Variants in CTNNA3 observed in about 807,000 individuals in gnomAD.
CTNNA3 encodes the protein catenin alpha-3.
Under a neutral mutation model 95.7 loss-of-function variants are expected in CTNNA3, and 76 were observed. The observed-to-expected ratio is 0.79, with a 90% CI of 0.66 to 0.96. CTNNA3 has a LOEUF of 0.96. Ranked by LOEUF, CTNNA3 falls within the 40% of genes least tolerant of loss-of-function variation. CTNNA3 has a pLI of 0.00. For missense variants in CTNNA3, 1,191 were observed against 1,089.8 expected (o/e 1.09, Z -1.31); for synonymous variants, 431 against 374.4 (o/e 1.15, Z -1.74).
intron 1 of CTNNA3, among the ~76,000 whole-genome samples, chr10:67,690,406 C>T (rs978573796): frequency 6.6e-6 from 1 of 152,132 alleles, no homozygotes; most frequent in South Asian, 2.1e-4. Flanking sequence ...CCACTGCTGG[C>T]TCAGGTAGCC....
intron 1 of CTNNA3, among the ~76,000 whole-genome samples, chr10:67,717,212 T>C (rs1841149369): frequency 6.6e-6 from 1 of 152,228 alleles, no homozygotes; most frequent in Non-Finnish European, 1.5e-5. Flanking sequence ...AGATTCTGGA[T>C]ATTAGCCCTT....
At chr10:67,504,449 A>AAAAC (rs1564699305) in intron 5 of CTNNA3, among the ~76,000 whole-genome samples, 6 of 150,164 alleles carry the variant, frequency 4.0e-5, no homozygotes, top group African/African-American at 1.5e-4. Flanking sequence ...AAAAAAAAAA[A>AAAAC]AAAAAAAAAA....
At chr10:67,612,374 A>G (rs893382703) in intron 2 of CTNNA3, among the ~76,000 whole-genome samples, 1 of 152,242 alleles carries the variant, frequency 6.6e-6, no homozygotes, top group African/African-American at 2.4e-5. Flanking sequence ...AACATTCACA[A>G]GGATTAAGTA....
At chr10:66,050,324 A>C (rs1187271149) in intron 15 of CTNNA3, among the ~76,000 whole-genome samples, 21 of 139,976 alleles carry the variant, frequency 1.5e-4, no homozygotes. Flanking sequence ...TTTTTCCTTT[A>C]ATTCACATTT....
At chr10:67,673,912 T>C (rs1360138287) in intron 1 of CTNNA3, among the ~76,000 whole-genome samples, 2 of 151,148 alleles carry the variant, frequency 1.3e-5, no homozygotes, top group Admixed American at 6.6e-5. Context: ...TAGCATTCTA[T>C]CACATGCATT....
Position 67,129,417 on chromosome 10 carries a change from T to A in CTNNA3, c.1047+50900A>T, listed in dbSNP as rs565278802. ...CTGTTAATTTTCTCTAGCCACTTGC[T>A]TTTAAGTTAACAACAATTCTGACAC... On this transcript the variant is annotated intron_variant, in intron 7 of 17. Transcript: ENST00000433211. Among the ~76,000 whole-genome samples the A allele has an allele frequency of 2.0e-5, 3 of 152,288 alleles. No individual in the cohort carries two copies. In the East Asian group the frequency reaches 5.8e-4, roughly 29 times the overall value.
At chr10:66,922,306 G>A (rs1300897861) in intron 7 of CTNNA3, among the ~76,000 whole-genome samples, 1 of 152,150 alleles carries the variant, frequency 6.6e-6, no homozygotes, top group East Asian at 1.9e-4. Flanking sequence ...CTGCTGAAAG[G>A]CAAATCAGAA....
intron 13 of CTNNA3, among the ~76,000 whole-genome samples, chr10:66,219,386 T>C (rs943417144): frequency 1.3e-5 from 2 of 152,300 alleles, no homozygotes; most frequent in African/African-American, 4.8e-5. Context: ...GTCCCTCCTA[T>C]ATTGTATTAG....
intron 9 of CTNNA3, among the ~76,000 whole-genome samples, chr10:66,632,961 T>C (rs1845198242): frequency 6.6e-6 from 1 of 152,136 alleles, no homozygotes; most frequent in Non-Finnish European, 1.5e-5. Flanking sequence ...TAGCTCTTAC[T>C]AAGCAGGATA....
intron 15 of CTNNA3, among the ~76,000 whole-genome samples, chr10:66,062,004 G>A (rs886867271): frequency 3.3e-5 from 5 of 152,096 alleles, no homozygotes; most frequent in Admixed American, 6.6e-5. Context: ...CAATGGGTAG[G>A]TGCCCAAATT....
At chr10:66,364,314 G>A (rs1032681113) in intron 12 of CTNNA3, among the ~76,000 whole-genome samples, 1 of 66,502 alleles carries the variant, frequency 1.5e-5, no homozygotes, top group African/African-American at 3.4e-5. Flanking sequence ...AGGCTGAGGT[G>A]GGAGGATCAC....
chr10:67,663,559 A>C (rs1840252227), intron 1 of CTNNA3, among the ~76,000 whole-genome samples: 1 of 151,914 alleles, frequency 6.6e-6, no homozygotes, highest in Non-Finnish European at 1.5e-5. Context: ...CAGCCGCAGG[A>C]GGGGCAGGCT....
chr10:67,352,814 G>A (rs1254476646), intron 5 of CTNNA3, among the ~76,000 whole-genome samples: 3 of 152,016 alleles, frequency 2.0e-5, no homozygotes, highest in Admixed American at 2.0e-4. Context: ...GAAGAACCCA[G>A]TAGCACTTTC....
At chr10:66,742,253 A>T (rs191376154) in intron 9 of CTNNA3, among the ~76,000 whole-genome samples, 97 of 152,282 alleles carry the variant, frequency 6.4e-4, no homozygotes, top group African/African-American at 2.2e-3. Flanking sequence ...GGGATGAAAT[A>T]AGCCCTGGTC....
chr10:65,960,507 A>G (rs1217363270), intron 17 of CTNNA3, among the ~76,000 whole-genome samples: 1 of 152,080 alleles, frequency 6.6e-6, no homozygotes, highest in Non-Finnish European at 1.5e-5. Flanking sequence ...CCTGGGTGAC[A>G]GAGCGAGACT....
chr10:66,172,712 T>C (rs886458082), intron 13 of CTNNA3, among the ~76,000 whole-genome samples: 7 of 152,092 alleles, frequency 4.6e-5, no homozygotes, highest in African/African-American at 1.7e-4. Context: ...AAGAAGAAAA[T>C]GGTCCTTAAC....
At chr10:67,754,247 G>A (rs1841422041) in intron 1 of CTNNA3, among the ~76,000 whole-genome samples, 1 of 151,958 alleles carries the variant, frequency 6.6e-6, no homozygotes, top group African/African-American at 2.4e-5. Flanking sequence ...ACAAGTGGGA[G>A]CTGAATAATG....
chr10:67,075,694 A>C (rs562531306), intron 7 of CTNNA3, among the ~76,000 whole-genome samples: 2 of 152,330 alleles, frequency 1.3e-5, no homozygotes, highest in South Asian at 2.1e-4. Context: ...CACTACTATT[A>C]ATTGCATTGA....
At chr10:66,545,336 G>A (rs1346639270) in intron 10 of CTNNA3, among the ~76,000 whole-genome samples, 1 of 151,632 alleles carries the variant, frequency 6.6e-6, no homozygotes, top group Non-Finnish European at 1.5e-5. Flanking sequence ...TTTATTTCTT[G>A]CTTATTTTAG....
Sources: gnomAD v4.1 joint callset for allele counts (sites outside exome capture counted in the v4.1 genomes callset) on GRCh38, gnomAD v4.1.1 for gene constraint, MANE v1.5 for transcripts, NCBI Gene and HGNC (gene_info 2026-07-23, HGNC 2026-07-21) for gene names.